Variants in CORO2B observed in about 807,000 individuals in gnomAD.
CORO2B encodes the protein coronin-2B.
A neutral mutation model predicts 58.8 loss-of-function variants in CORO2B; 26 were observed. The ratio of observed to expected loss-of-function variants is 0.44; its 90% CI spans 0.32 to 0.61. The LOEUF is 0.61. CORO2B is among the 20% of genes least tolerant of loss of function. The pLI is 0.04. For synonymous variants in CORO2B, 242 were observed against 253.8 expected (o/e 0.95, Z 0.44); for missense variants, 460 against 645.1 (o/e 0.71, Z 3.11).
chr15:68,638,610 A>G (rs1901110756), intron 1 of CORO2B, among the ~76,000 whole-genome samples: 1 of 152,088 alleles, frequency 6.6e-6, no homozygotes, highest in South Asian at 2.1e-4. Context: ...GTAAGAGTTG[A>G]GGTGGAGAGG....
chr15:68,670,081 T>C (rs1902337561), intron 2 of CORO2B, among the ~76,000 whole-genome samples: 1 of 149,860 alleles, frequency 6.7e-6, no homozygotes, highest in Non-Finnish European at 1.5e-5. Flanking sequence ...GGGGGAAAAA[T>C]AAAGAAAAAT....
chr15:68,725,241 T>C (rs1183370523), intron 11 of CORO2B, among the ~76,000 whole-genome samples: 1 of 151,956 alleles, frequency 6.6e-6, no homozygotes, highest in Non-Finnish European at 1.5e-5. Context: ...TGGTGGCACA[T>C]GCCTGTAATC....
At chr15:68,559,378 T>G in the CORO2B span, among the ~76,000 whole-genome samples, 1 of 152,010 alleles carries the variant, frequency 6.6e-6, no homozygotes, top group South Asian at 2.1e-4. This position sits in a 1 kb window ranked among gnomAD's most constrained non-coding sequence, Gnocchi z 4.3. Flanking sequence ...ACATCCATTT[T>G]AGAAGTTCTG....
chr15:68,722,306 T>C (rs1893180589), intron 11 of CORO2B, among the ~76,000 whole-genome samples: 1 of 152,228 alleles, frequency 6.6e-6, no homozygotes, highest in South Asian at 2.1e-4. Context: ...ACACCAAAGT[T>C]GTGCATCTTC....
chr15:68,725,869 G>A lies in CORO2B; in HGVS notation c.1338G>A (p.Gln446=), dbSNP rs139789900. 1.2e-4 allele frequency: 201 copies of A among 1,613,842 alleles called. No homozygotes were observed. The highest frequency in any genetic ancestry group is 1.6e-4 in the Middle Eastern group (1 of 6,084). ...NELLRMFFRQ[Q]DEIRRLKEEL... is the part of the protein sequence containing the mutation. ...TCCTTCGAATGTTCTTCCGGCAGCA[G>A]GATGAGATTCGACGGTTGAAAGAGG... The change falls in exon 12 of 12, where the codon CAG becomes CAA. Residue 446 remains glutamine, a synonymous_variant. Transcript: ENST00000261861.
At chr15:68,637,191 G>A (rs1901057083) in intron 1 of CORO2B, among the ~76,000 whole-genome samples, 1 of 152,216 alleles carries the variant, frequency 6.6e-6, no homozygotes, top group Non-Finnish European at 1.5e-5. Context: ...TATGCTGAGA[G>A]AAATGGCACA....
At chr15:68,652,172 A>T (rs1005065506) in intron 2 of CORO2B, among the ~76,000 whole-genome samples, 5 of 152,202 alleles carry the variant, frequency 3.3e-5, no homozygotes, top group Non-Finnish European at 7.3e-5. Flanking sequence ...TGGCTGGCAG[A>T]TCTCGAAGGA....
chr15:68,684,943 A>G (rs1305684545), intron 2 of CORO2B, among the ~76,000 whole-genome samples: 1 of 152,198 alleles, frequency 6.6e-6, no homozygotes, highest in East Asian at 1.9e-4. Flanking sequence ...AGAGAGAGCC[A>G]GGAAGACTAT....
chr15:68,611,280 A>G (rs1900242393), intron 1 of CORO2B, among the ~76,000 whole-genome samples: 1 of 152,236 alleles, frequency 6.6e-6, no homozygotes. Flanking sequence ...ATACATGTTC[A>G]TTCTGGAAAA....
chr15:68,522,673 A>G, the CORO2B span, among the ~76,000 whole-genome samples: 3 of 152,156 alleles, frequency 2.0e-5, no homozygotes, highest in Admixed American at 2.0e-4. Flanking sequence ...TGGTTTCATC[A>G]ATTATATTCC....
intron 5 of CORO2B, among the ~76,000 whole-genome samples, chr15:68,712,954 C>T (rs879671637): frequency 1.3e-5 from 2 of 152,166 alleles, no homozygotes; most frequent in Admixed American, 1.3e-4. Context: ...TTCTCTTGGG[C>T]TACACTTTTT....
At chr15:68,581,606 A>T (rs1899426369) in intron 1 of CORO2B, among the ~76,000 whole-genome samples, 1 of 152,116 alleles carries the variant, frequency 6.6e-6, no homozygotes, top group Admixed American at 6.5e-5. Flanking sequence ...GGTTCCAATG[A>T]TCTCTAGGGC....
chr15:68,606,013 A>T (rs892785697), intron 1 of CORO2B, among the ~76,000 whole-genome samples: 1 of 151,684 alleles, frequency 6.6e-6, no homozygotes, highest in Non-Finnish European at 1.5e-5. Flanking sequence ...AGTGAGCCAC[A>T]GCGCCCGGCC....
the CORO2B span, among the ~76,000 whole-genome samples, chr15:68,552,793 C>T: frequency 1.3e-5 from 2 of 152,212 alleles, no homozygotes; most frequent in Non-Finnish European, 2.9e-5. Context: ...TGCCACCAGA[C>T]CTTTCCTCAA....
Position 68,719,258 on chromosome 15 carries a change from G to C in CORO2B, c.1171+24G>C, listed in dbSNP as rs753793619. ...AGGTACCACAGCGGGGGGCTCCACA[G>C]AGCACAGGCGGCTGCAGCCTTTGCC... On this transcript the variant is annotated intron_variant, in intron 10 of 11. Coordinates refer to ENST00000261861, the MANE Select transcript of CORO2B (RefSeq NM_006091.5). 8.1e-6 allele frequency: 13 copies of C among 1,610,942 alleles called. No individual in the cohort carries two copies. In the South Asian group the frequency reaches 1.4e-4, roughly 18 times the overall value.
At chr15:68,719,338 C>T in intron 10 of CORO2B, 75 bp from the exon 11 acceptor site, 4 of 1,603,592 alleles carry the variant, frequency 2.5e-6, no homozygotes, top group Non-Finnish European at 3.4e-6. Context: ...GAACTTCCCT[C>T]CCACCCAGCC....
chr15:68,605,646 G>A (rs985396774), intron 1 of CORO2B, among the ~76,000 whole-genome samples: 1 of 151,526 alleles, frequency 6.6e-6, no homozygotes, highest in African/African-American at 2.4e-5. Flanking sequence ...CTTCAAGACT[G>A]GAAAGTGAAG....
intron 2 of CORO2B, among the ~76,000 whole-genome samples, chr15:68,654,259 G>A (rs1283702850): frequency 3.3e-5 from 5 of 152,326 alleles, no homozygotes; most frequent in Admixed American, 2.0e-4. Context: ...TGGGATGGGT[G>A]TTCTCTGGAT....
intron 1 of CORO2B, among the ~76,000 whole-genome samples, chr15:68,643,968 C>T (rs1300482045): frequency 3.9e-5 from 6 of 152,024 alleles, no homozygotes; most frequent in Admixed American, 1.3e-4. Context: ...ACCTGGGAGA[C>T]GGAGGTTCCA....
Sources: allele counts gnomAD v4.1 joint callset (sites outside exome capture counted in the v4.1 genomes callset), GRCh38; gene constraint gnomAD v4.1.1; non-coding constraint Gnocchi (gnomAD v3.1); transcripts MANE v1.5; gene names NCBI Gene and HGNC (gene_info 2026-07-23, HGNC 2026-07-21).